Variants in ALDOC observed in about 807,000 individuals in gnomAD.
The protein encoded by ALDOC is aldolase, fructose-bisphosphate C.
A neutral mutation model predicts 39.5 loss-of-function variants in ALDOC; 23 were observed. That is an observed-to-expected ratio of 0.58 (90% CI 0.42 to 0.82). The LOEUF is 0.82. Ranked by LOEUF, ALDOC falls within the 40% of genes least tolerant of loss-of-function variation. The pLI, the probability that ALDOC is intolerant of heterozygous loss-of-function variation, is 0.00. For synonymous variants in ALDOC, 160 were observed against 182.6 expected, an observed-to-expected ratio of 0.88 and a Z score of 1.00; for missense variants, 356 against 479.1, an observed-to-expected ratio of 0.74 and a Z score of 2.40.
rs756735316 is a variant in ALDOC at position 28,575,246 on chromosome 17, A to T, written c.201T>A (p.Asp67Glu). ...RLYRQVLFSA[D>E]DRVKKCIGGV... ...CTCCAATGCACTTTTTCACACGGTC[A>T]TCAGCACTGAACAGGACCTGGCGGT... Residue 67 changes from aspartate to glutamate, a missense_variant, in exon 3 of 9, where the codon GAT (aspartate) becomes GAA (glutamate). Physicochemically the swap from Asp to Glu is conservative, Grantham distance 45. Coordinates refer to ENST00000226253, the MANE Select transcript of ALDOC (RefSeq NM_005165.3). This position sits in a 1 kb window ranked among gnomAD's most constrained non-coding sequence, Gnocchi z 4.3. 6.2e-7 allele frequency: 1 copy of T among 1,614,056 alleles called. No individual in the cohort carries two copies. Among genetic ancestry groups the T allele is most frequent in the Non-Finnish European group, 8.5e-7 (1 of 1,180,054 alleles).
At chr17:28,576,488 C>G (rs2070493319) in intron 1 of ALDOC, 1 of 151,806 alleles carries the variant, frequency 6.6e-6, no homozygotes, top group African/African-American at 2.4e-5. Flanking sequence ...GAGAGAGGAC[C>G]TAGCCTAGGA....
chr17:28,576,021 C>T, intron 1 of ALDOC: 1 of 1,000,836 alleles, frequency 1.0e-6, no homozygotes, highest in Non-Finnish European at 1.2e-6. Flanking sequence ...CTCTCAGCTT[C>T]TAGAGGAAAA....
At chr17:28,576,165 C>G in intron 1 of ALDOC, 1 of 207,362 alleles carries the variant, frequency 4.8e-6, no homozygotes, top group Non-Finnish European at 8.5e-6. Context: ...GAGGTTGGCC[C>G]CAGTGGGGCT....
chr17:28,576,671 G>C, intron 1 of ALDOC, 130 bp downstream of exon 1: 1 of 456,248 alleles, frequency 2.2e-6, no homozygotes, highest in Non-Finnish European at 2.9e-6. Context: ...ACGCGGAAAG[G>C]AGCAAAGATG....
In ALDOC at chr17:28,573,493, G is replaced by C; in HGVS notation, c.*33C>G. 6.2e-7 allele frequency: 1 copy of C among 1,604,178 alleles called. No homozygotes were observed. ...CTACAAGCAAAAGTGGGTGCAGATG[G>C]CTGGGCCAAGGGCTGTGGTATGGAG... On this transcript the variant is annotated 3_prime_UTR_variant, in exon 9 of 9. Coordinates refer to ENST00000226253, the MANE Select transcript of ALDOC (RefSeq NM_005165.3). The surrounding 1 kb of genome is among the most constrained non-coding windows in gnomAD (Gnocchi z 4.3).
chr17:28,574,752 G>A lies in ALDOC; in HGVS notation c.484C>T (p.Leu162Phe). ...ACGTTGGCGTTCTCCAGAATGGCAA[G>A]TGCAGAGGGTGTACGCTCACTGATT... ...LKISERTPSA[L>F]AILENANVLA... The change falls in exon 5 of 9, where the codon CTT becomes TTT. Residue 162 changes from leucine to phenylalanine, a missense_variant. Transcript: ENST00000226253. 1 of 1,614,224 alleles carries A rather than the reference G, an allele frequency of 6.2e-7. No individual in the cohort carries two copies. The highest frequency in any genetic ancestry group is 2.2e-5 in the East Asian group (1 of 44,890).
chr17:28,575,255 GAACAGGACCTGGCGGT>G lies in ALDOC; in HGVS notation c.176_191del (p.Tyr59SerfsTer7). 6.2e-7 allele frequency: 1 copy of G among 1,614,142 alleles called. No homozygotes were observed. The highest frequency in any genetic ancestry group is 8.5e-7 in the Non-Finnish European group (1 of 1,180,032). Reference sequence around the variant, plus strand: ...ACTTTTTCACACGGTCATCAGCACTGAACAGGACCTGGCGGTACAGCCGGCGGTTCTCCTCTGTGTT... The same window carrying G: ...ACTTTTTCACACGGTCATCAGCACTGACAGCCGGCGGTTCTCCTCTGTGTT... On this transcript the variant is annotated frameshift_variant, in exon 3 of 9. Transcript: ENST00000226253. LOFTEE classifies it high-confidence loss of function. This position sits in a 1 kb window ranked among gnomAD's most constrained non-coding sequence, Gnocchi z 4.3.
chr17:28,573,484 G>T lies in ALDOC; in HGVS notation c.*42C>A. ...TGGCCATGACTACAAGCAAAAGTGG[G>T]TGCAGATGGCTGGGCCAAGGGCTGT... On this transcript the variant is annotated 3_prime_UTR_variant, in exon 9 of 9. Coordinates refer to ENST00000226253, the MANE Select transcript of ALDOC (RefSeq NM_005165.3). The surrounding 1 kb of genome is among the most constrained non-coding windows in gnomAD (Gnocchi z 4.3). 1 of 1,590,300 alleles carries T rather than the reference G, an allele frequency of 6.3e-7. No individual in the cohort carries two copies. Among genetic ancestry groups the T allele is most frequent in the Non-Finnish European group, 8.6e-7 (1 of 1,158,534 alleles).
At position 28,573,781 on chromosome 17, in the gene ALDOC, C is replaced by T. The variant is rs550214011; in HGVS notation, c.953G>A (p.Arg318Gln). 14 of 1,614,222 alleles carry T rather than the reference C, an allele frequency of 8.7e-6. No homozygotes were observed. The highest frequency in any genetic ancestry group is 6.7e-5 in the African/African-American group (5 of 75,056). ...ASALNAWRGQ[R>Q]DNAGAATEEF... ...CTCAGTGGCAGCCCCAGCATTGTCC[C>T]GTTGCCCTCGCCAGGCATTGAGTGC... The change falls in exon 8 of 9, where the codon CGG (arginine) becomes CAG (glutamine). Residue 318 changes from arginine to glutamine, a missense_variant. Transcript: ENST00000226253. This position sits in a 1 kb window ranked among gnomAD's most constrained non-coding sequence, Gnocchi z 4.3.
rs752224278 is a variant in ALDOC at position 28,574,464 on chromosome 17, G to A, written c.624+30C>T. 7 of 1,607,724 alleles carry A rather than the reference G, an allele frequency of 4.4e-6. No homozygotes were observed. The African/African-American group carries it at 8.0e-5, about 18-fold the overall frequency. ...ACACTCCTGCCGAGCTGTCCCTGCA[G>A]TATGTTTGTGTGCCCAGGTGTGGAC... On this transcript the variant is annotated intron_variant, in intron 6 of 8. Coordinates refer to ENST00000226253, the MANE Select transcript of ALDOC (RefSeq NM_005165.3).
Position 28,573,436 on chromosome 17 carries a change from T to C in ALDOC, c.*90A>G, listed in dbSNP as rs2070450821. On this transcript the variant is annotated 3_prime_UTR_variant, in exon 9 of 9. Coordinates refer to ENST00000226253, the MANE Select transcript of ALDOC (RefSeq NM_005165.3). This position sits in a 1 kb window ranked among gnomAD's most constrained non-coding sequence, Gnocchi z 4.3. ...AGTTGGTGCCAGGTGAAGGCATCTC[T>C]GCTCTGCATAGCTATTTGGCCCTGG... 16 of 1,182,684 alleles carry C rather than the reference T, an allele frequency of 1.4e-5. No homozygotes were observed. Among genetic ancestry groups the C allele is most frequent in the South Asian group, 1.3e-4 (11 of 82,186 alleles). The allele number at this position is 1,182,684 out of a possible 1,614,324, so 73.3% of individuals were successfully genotyped here.
rs377735389 is a variant in ALDOC at position 28,575,455 on chromosome 17, C to T, written c.78G>A (p.Pro26=). The T allele has an allele frequency of 3.5e-5, 56 of 1,614,076 alleles. No homozygotes were observed. The highest frequency in any genetic ancestry group is 1.6e-4 in the Middle Eastern group (1 of 6,084). Residue 26 remains proline (P), a synonymous_variant, in exon 2 of 9, where the codon CCG becomes CCA. Coordinates refer to ENST00000226253, the MANE Select transcript of ALDOC (RefSeq NM_005165.3). This position sits in a 1 kb window ranked among gnomAD's most constrained non-coding sequence, Gnocchi z 4.3. Reference sequence around the variant, plus strand: ...CATCCGCAGCCAGAATGCCTTTGCCCGGGGCTACAATCCGCAGGGCAATGT... The same window carrying T: ...CATCCGCAGCCAGAATGCCTTTGCCTGGGGCTACAATCCGCAGGGCAATGT... ...LSDIALRIVA[P]GKGILAADES... is the part of the protein sequence containing the mutation.
rs1263412370 is a variant in ALDOC at position 28,575,386 on chromosome 17, A to G, written c.112+35T>C. ...AGAACATCCCCAGGGTCCCCTAGCC[A>G]CCTGTACCCTACCTGGCTACAGATG... On this transcript the variant is annotated intron_variant, in intron 2 of 8. Coordinates refer to ENST00000226253, the MANE Select transcript of ALDOC (RefSeq NM_005165.3). The surrounding 1 kb of genome is among the most constrained non-coding windows in gnomAD (Gnocchi z 4.3). 3 of 1,614,020 alleles carry G rather than the reference A, an allele frequency of 1.9e-6. No homozygotes were observed. Among genetic ancestry groups the G allele is most frequent in the Non-Finnish European group, 1.7e-6 (2 of 1,180,012 alleles).
chr17:28,573,481 T>G lies in ALDOC; in HGVS notation c.*45A>C. ...CCCTGGCCATGACTACAAGCAAAAG[T>G]GGGTGCAGATGGCTGGGCCAAGGGC... On this transcript the variant is annotated 3_prime_UTR_variant, in exon 9 of 9. Coordinates refer to ENST00000226253, the MANE Select transcript of ALDOC (RefSeq NM_005165.3). This position sits in a 1 kb window ranked among gnomAD's most constrained non-coding sequence, Gnocchi z 4.3. The G allele has an allele frequency of 6.3e-7, 1 of 1,584,864 alleles. No individual in the cohort carries two copies. The highest frequency in any genetic ancestry group is 8.7e-7 in the Non-Finnish European group (1 of 1,153,654).
At chr17:28,576,051 G>A (rs761410529) in intron 1 of ALDOC, 5 of 981,088 alleles carry the variant, frequency 5.1e-6, no homozygotes, top group Non-Finnish European at 6.1e-6. Flanking sequence ...AACAGGTAGG[G>A]AGTAGGAGTG....
chr17:28,574,633 T>C (rs1166744095), intron 5 of ALDOC, 56 bp from the exon 6 acceptor site: 15 of 1,613,560 alleles, frequency 9.3e-6, no homozygotes, highest in African/African-American at 1.3e-5. Context: ...GAAGAAAGCC[T>C]TGTGACTCTC....
chr17:28,575,992 T>G lies in ALDOC; in HGVS notation c.-12-448A>C, dbSNP rs1288254579. On this transcript the variant is annotated intron_variant, in intron 1 of 8. Transcript: ENST00000226253. The surrounding 1 kb of genome is among the most constrained non-coding windows in gnomAD (Gnocchi z 4.3). ...CCAAGGCTTCAGAATGAGGCAAAAG[T>G]ACTTATTGCCACCCTCTTCTCTCAG... 40 of 1,005,774 alleles carry G rather than the reference T, an allele frequency of 4.0e-5. No homozygotes were observed. The highest frequency in any genetic ancestry group is 4.4e-5 in the Non-Finnish European group (37 of 841,400). The allele number at this position is 1,005,774 out of a possible 1,614,324, so 62.3% of individuals were successfully genotyped here.
At position 28,573,850 on chromosome 17, in the gene ALDOC, G is replaced by A. The variant is rs748891048; in HGVS notation, c.884C>T (p.Pro295Leu). 1.6e-5 allele frequency: 26 copies of A among 1,614,122 alleles called. No homozygotes were observed. In the Admixed American group the frequency reaches 4.2e-4, roughly 26 times the overall value. Reference protein sequence around the residue: ...NAINRCPLPRPWALTFSYGRA... With the variant: ...NAINRCPLPRLWALTFSYGRA... ...CCCATAGGAGAAGGTAAGCGCCCAG[G>A]GTCGGGGAAGGGGGCAGCGGTTGAT... Residue 295 changes from proline (P) to leucine (L), a missense_variant, in exon 8 of 9, where the codon CCC (proline) becomes CTC (leucine). Pro to Leu is a moderately conservative substitution (Grantham distance 98, BLOSUM62 -3). Coordinates refer to ENST00000226253, the MANE Select transcript of ALDOC (RefSeq NM_005165.3). This position sits in a 1 kb window ranked among gnomAD's most constrained non-coding sequence, Gnocchi z 4.3.
Position 28,574,919 on chromosome 17 carries a change from C to A in ALDOC, c.379+33G>T, listed in dbSNP as rs199534912. On this transcript the variant is annotated intron_variant, in intron 4 of 8. Transcript: ENST00000226253. ...TTTTACCAGCATCAACTATCTAACA[C>A]CTCTTTGGTCCTCAAGCCCACCCAT... The A allele has an allele frequency of 1.1e-5, 18 of 1,614,082 alleles. No homozygotes were observed. The Middle Eastern group carries it at 6.6e-4, about 59-fold the overall frequency.
Sources: gnomAD v4.1 joint callset for allele counts on GRCh38, gnomAD v4.1.1 for gene constraint, Gnocchi (gnomAD v3.1) non-coding constraint, MANE v1.5 for transcripts, NCBI Gene and HGNC (gene_info 2026-07-23, HGNC 2026-07-21) for gene names.